Variants in LRMDA observed in about 807,000 individuals in gnomAD.
LRMDA encodes leucine-rich melanocyte differentiation-associated protein.
Under a neutral mutation model 29.8 loss-of-function variants are expected in LRMDA, and 18 were observed. That is an observed-to-expected ratio of 0.60 (90% CI 0.42 to 0.90). The LOEUF (loss-of-function observed/expected upper bound fraction) is 0.90. Ranked by LOEUF, LRMDA falls within the 40% of genes least tolerant of loss-of-function variation. The pLI is 0.00. For synonymous variants in LRMDA, 125 were observed against 109.4 expected (o/e 1.14, Z -0.89); for missense variants, 273 against 273.9 (o/e 1.00, Z 0.02).
At chr10:76,321,684 C>G (rs1356420929) in intron 5 of LRMDA, among the ~76,000 whole-genome samples, 1 of 152,184 alleles carries the variant, frequency 6.6e-6, no homozygotes, top group Non-Finnish European at 1.5e-5. Context: ...GTGGCTCATG[C>G]CTGTAATCCC....
intron 2 of LRMDA, among the ~76,000 whole-genome samples, chr10:75,836,783 G>T (rs944500698): frequency 6.6e-6 from 1 of 151,968 alleles, no homozygotes; most frequent in Non-Finnish European, 1.5e-5. Context: ...CTCTCTCTCC[G>T]AATGATCTTT....
At chr10:75,748,397 T>G (rs1842914767) in intron 2 of LRMDA, among the ~76,000 whole-genome samples, 1 of 152,204 alleles carries the variant, frequency 6.6e-6, no homozygotes, top group African/African-American at 2.4e-5. Flanking sequence ...CCTGGCCTGT[T>G]TAGTGATTTA....
intron 2 of LRMDA, among the ~76,000 whole-genome samples, chr10:75,465,567 C>G (rs559409533): frequency 3.3e-5 from 5 of 152,224 alleles, no homozygotes; most frequent in African/African-American, 4.8e-5. Context: ...AGAAACATGT[C>G]GGTGGTAATG....
intron 2 of LRMDA, among the ~76,000 whole-genome samples, chr10:75,587,991 A>C (rs1840676880): frequency 6.6e-6 from 1 of 152,174 alleles, no homozygotes; most frequent in African/African-American, 2.4e-5. Context: ...CTTTTTGCAC[A>C]ACTGAATGCT....
intron 2 of LRMDA, among the ~76,000 whole-genome samples, chr10:75,454,830 TG>T (rs1844497682): frequency 6.6e-6 from 1 of 152,212 alleles, no homozygotes; most frequent in African/African-American, 2.4e-5. Flanking sequence ...CAGCCTTACC[TG>T]GGGTATAGAA....
At chr10:75,909,522 T>A (rs1256364688) in intron 2 of LRMDA, among the ~76,000 whole-genome samples, 2 of 152,114 alleles carry the variant, frequency 1.3e-5, no homozygotes, top group Non-Finnish European at 2.9e-5. Flanking sequence ...GTATTTTTTT[T>A]TTTATTCTGT....
At chr10:76,182,099 G>A (rs1432545680) in intron 5 of LRMDA, among the ~76,000 whole-genome samples, 1 of 152,202 alleles carries the variant, frequency 6.6e-6, no homozygotes, top group Non-Finnish European at 1.5e-5. Flanking sequence ...CTGCTATGAA[G>A]AAGTACTTGA....
chr10:76,425,677 T>C (rs1842116990), intron 6 of LRMDA, among the ~76,000 whole-genome samples: 1 of 152,124 alleles, frequency 6.6e-6, no homozygotes, highest in Non-Finnish European at 1.5e-5. Context: ...TATGTATACA[T>C]GTGTCATGTT....
chr10:76,524,401 C>G (rs74599386), intron 6 of LRMDA, among the ~76,000 whole-genome samples: 2,312 of 152,266 alleles, frequency 0.015, 23 homozygotes, highest in African/African-American at 0.037. Context: ...AACGTAAACT[C>G]TGATATTTCT....
chr10:76,354,422 T>A (rs932539087), intron 6 of LRMDA, among the ~76,000 whole-genome samples: 8 of 152,190 alleles, frequency 5.3e-5, no homozygotes, highest in African/African-American at 1.9e-4. Flanking sequence ...AAATTGATAT[T>A]TGGCATATCT....
At chr10:75,984,212 G>A (rs1483550935) in intron 2 of LRMDA, among the ~76,000 whole-genome samples, 1 of 148,104 alleles carries the variant, frequency 6.8e-6, no homozygotes, top group Admixed American at 6.6e-5. Flanking sequence ...TGGCCGTATG[G>A]CTGGAGAAAG....
At chr10:75,558,155 ATTT>A (rs11292875) in intron 2 of LRMDA, among the ~76,000 whole-genome samples, 11 of 132,348 alleles carry the variant, frequency 8.3e-5, no homozygotes, top group Non-Finnish European at 9.8e-5. Flanking sequence ...CAGTGGTATG[ATTT>A]TTTTTTTTTT....
intron 2 of LRMDA, among the ~76,000 whole-genome samples, chr10:76,005,437 C>T (rs1284922807): frequency 2.0e-5 from 3 of 152,118 alleles, no homozygotes; most frequent in African/African-American, 7.2e-5. Flanking sequence ...CACCCCACGT[C>T]AGTTTCCCAT....
intron 2 of LRMDA, among the ~76,000 whole-genome samples, chr10:75,471,243 T>C (rs1234291788): frequency 6.6e-6 from 1 of 152,054 alleles, no homozygotes; most frequent in Non-Finnish European, 1.5e-5. Context: ...GGGGTGTGGT[T>C]CTGGTAAGCA....
chr10:76,354,210 G>A (rs1841212342), intron 6 of LRMDA, among the ~76,000 whole-genome samples: 1 of 152,106 alleles, frequency 6.6e-6, no homozygotes, highest in South Asian at 2.1e-4. Context: ...TAGGTCTCTG[G>A]TGACAGTGTA....
chr10:75,441,418 C>G (rs73290652), intron 2 of LRMDA, among the ~76,000 whole-genome samples: 3,271 of 152,204 alleles, frequency 0.021, 131 homozygotes, highest in African/African-American at 0.074. Flanking sequence ...TCTCCAAAGC[C>G]CAACACCATG....
intron 5 of LRMDA, among the ~76,000 whole-genome samples, chr10:76,167,061 G>A (rs1850754021): frequency 6.6e-6 from 1 of 152,142 alleles, no homozygotes; most frequent in African/African-American, 2.4e-5. Context: ...CTAATTATCA[G>A]TGATGTTGAG....
chr10:75,824,686 C>A (rs1844219762), intron 2 of LRMDA, among the ~76,000 whole-genome samples: 1 of 152,174 alleles, frequency 6.6e-6, no homozygotes, highest in Non-Finnish European at 1.5e-5. Flanking sequence ...TTTATCTAAA[C>A]AAGCTGTAAA....
chr10:75,937,866 T>C (rs927332964), intron 2 of LRMDA, among the ~76,000 whole-genome samples: 2 of 152,230 alleles, frequency 1.3e-5, no homozygotes, highest in Non-Finnish European at 2.9e-5. Flanking sequence ...CCCTACCAAC[T>C]TAATGACATA....
Sources: allele counts gnomAD v4.1 joint callset (sites outside exome capture counted in the v4.1 genomes callset), GRCh38; gene constraint gnomAD v4.1.1; transcripts MANE v1.5; gene names NCBI Gene and HGNC (gene_info 2026-07-23, HGNC 2026-07-21).